Variants in FMNL2 observed in about 807,000 individuals in gnomAD.
The protein encoded by FMNL2 is formin-like protein 2.
FMNL2 carries 51 observed loss-of-function variants against 130.2 expected under a neutral mutation model. The observed-to-expected ratio is 0.39, with a 90% CI of 0.31 to 0.49. The LOEUF (loss-of-function observed/expected upper bound fraction) is 0.49, where lower values mean the gene tolerates loss of function less well. Among genes scored for constraint, FMNL2 ranks in the 20% least tolerant of loss-of-function variants. FMNL2 has a pLI of 0.85. For synonymous variants in FMNL2, 465 were observed against 467.1 expected, an observed-to-expected ratio of 1.00 and a Z score of 0.06; for missense variants, 977 against 1,316.2, an observed-to-expected ratio of 0.74 and a Z score of 3.99.
At chr2:152,459,289 A>G (rs1230195161) in intron 1 of FMNL2, among the ~76,000 whole-genome samples, 2 of 152,234 alleles carry the variant, frequency 1.3e-5, no homozygotes, top group Non-Finnish European at 2.9e-5. Context: ...CTGAATTCGC[A>G]CTGAACCAAG....
At chr2:152,482,815 A>T (rs1222031958) in intron 1 of FMNL2, among the ~76,000 whole-genome samples, 1 of 152,170 alleles carries the variant, frequency 6.6e-6, no homozygotes, top group African/African-American at 2.4e-5. Context: ...TAACTGCCTG[A>T]TACTGTCCCC....
intron 3 of FMNL2, among the ~76,000 whole-genome samples, chr2:152,548,506 C>T (rs773864301): frequency 2.6e-5 from 4 of 152,218 alleles, no homozygotes; most frequent in Non-Finnish European, 5.9e-5. Context: ...AACCTGGCCA[C>T]TGAGTCTCTA....
At chr2:152,481,613 G>GACAGCCACAGCT (rs1165646652) in intron 1 of FMNL2, among the ~76,000 whole-genome samples, 2 of 152,166 alleles carry the variant, frequency 1.3e-5, no homozygotes, top group Non-Finnish European at 2.9e-5. Context: ...AGTCAGAATT[G>GACAGCCACAGCT]ACAGCCACAG....
rs553914708 is a variant in FMNL2, at chr2:152,617,633, A to G, written c.1314+441A>G. Among the ~76,000 whole-genome samples the G allele has an allele frequency of 3.3e-5, 5 of 152,120 alleles. No homozygotes were observed. In the East Asian group the frequency reaches 9.7e-4, roughly 29 times the overall value. ...TAAACAGTGAAATACAACACAGGCT[A>G]GGCTTAATGGCATTCACCAAAAAAA... On this transcript the variant is annotated intron_variant, in intron 13 of 25. Transcript: ENST00000288670.
At chr2:152,339,785 T>C (rs1681692527) in intron 1 of FMNL2, among the ~76,000 whole-genome samples, 1 of 152,078 alleles carries the variant, frequency 6.6e-6, no homozygotes, top group South Asian at 2.1e-4. Context: ...TAGGAAGGAG[T>C]GGGAACATTT....
chr2:152,567,692 A>C (rs1305750856), intron 6 of FMNL2, among the ~76,000 whole-genome samples: 1 of 152,248 alleles, frequency 6.6e-6, no homozygotes, highest in East Asian at 1.9e-4. Flanking sequence ...TTGGAACCAT[A>C]AAAGACTGGT....
At position 152,335,442 on chromosome 2, in the gene FMNL2, G is replaced by T; in HGVS notation, c.-162G>T. 1 of 386,734 alleles carries T rather than the reference G, an allele frequency of 2.6e-6. No individual in the cohort carries two copies. 24.0% of individuals were successfully genotyped at this position (386,734 alleles called of 1,614,324 possible). ...GGGGGGCGGCTCGGCTTGGAGCGCT[G>T]CTAGGGAGCGGTGCGCGCCGCACAC... On this transcript the variant is annotated 5_prime_UTR_variant, in exon 1 of 26. Transcript: ENST00000288670.
intron 1 of FMNL2, among the ~76,000 whole-genome samples, chr2:152,430,702 G>A (rs540982439): frequency 3.4e-4 from 52 of 152,184 alleles, no homozygotes; most frequent in African/African-American, 1.2e-3. Context: ...GTGAAACCTC[G>A]TCTCTACTGA....
intron 4 of FMNL2, among the ~76,000 whole-genome samples, chr2:152,555,353 A>G (rs1439747014): frequency 1.3e-5 from 2 of 152,168 alleles, no homozygotes; most frequent in African/African-American, 4.8e-5. Flanking sequence ...ATGATTTTTC[A>G]TCAACTTCAG....
intron 9 of FMNL2, among the ~76,000 whole-genome samples, chr2:152,605,433 C>T (rs1368304829): frequency 6.6e-6 from 1 of 152,146 alleles, no homozygotes; most frequent in Non-Finnish European, 1.5e-5. Flanking sequence ...ATCCTCCCAC[C>T]TCAGTCTCCT....
intron 20 of FMNL2, 64 bp downstream of exon 20, chr2:152,629,969 A>T: frequency 7.1e-7 from 1 of 1,414,088 alleles, no homozygotes; most frequent in Middle Eastern, 1.8e-4. Flanking sequence ...AGATGAAGTT[A>T]GGGTGGTGGA....
At chr2:152,647,575 A>G (rs1683697869) in intron 25 of FMNL2, among the ~76,000 whole-genome samples, 1 of 152,228 alleles carries the variant, frequency 6.6e-6, no homozygotes, top group East Asian at 1.9e-4. Context: ...TTTTCTCTCA[A>G]AGTCCTAGAA....
At position 152,617,142 on chromosome 2, in the gene FMNL2, G is replaced by A. The variant is rs1698996952; in HGVS notation, c.1264G>A (p.Glu422Lys). Residue 422 changes from glutamate (E) to lysine (K), a missense_variant, in exon 13 of 26, where the codon GAA (glutamate) becomes AAA (lysine). Transcript: ENST00000288670. ...GAATGAAGCCATGTCCAAGATTGTG[G>A]AACTGGAAAAGCAACTCATGCAGAG... ...TENEAMSKIV[E>K]LEKQLMQRNK... 1.9e-6 allele frequency: 3 copies of A among 1,613,866 alleles called. No individual in the cohort carries two copies. Among genetic ancestry groups the A allele is most frequent in the African/African-American group, 1.3e-5 (1 of 74,928 alleles).
chr2:152,642,225 C>T (rs757952670), intron 25 of FMNL2, among the ~76,000 whole-genome samples: 24 of 152,168 alleles, frequency 1.6e-4, no homozygotes, highest in Non-Finnish European at 2.9e-4. Context: ...CAGGCGTGAG[C>T]CACCATGCCC....
At chr2:152,492,522 C>T (rs1324092798) in intron 1 of FMNL2, among the ~76,000 whole-genome samples, 1 of 152,082 alleles carries the variant, frequency 6.6e-6, no homozygotes, top group African/African-American at 2.4e-5. Context: ...ATATTAAGTG[C>T]TTTGTAATTA....
chr2:152,631,081 C>T (rs531721824), intron 20 of FMNL2, among the ~76,000 whole-genome samples: 1 of 152,094 alleles, frequency 6.6e-6, no homozygotes, highest in African/African-American at 2.4e-5. Flanking sequence ...GTGAGAGATT[C>T]ACAATAACTA....
intron 3 of FMNL2, among the ~76,000 whole-genome samples, chr2:152,543,903 G>A (rs1481815593): frequency 6.6e-6 from 1 of 152,076 alleles, no homozygotes; most frequent in Non-Finnish European, 1.5e-5. Flanking sequence ...TATGTGACTT[G>A]AATGTGACAC....
chr2:152,587,544 A>G (rs1697152192), intron 9 of FMNL2, among the ~76,000 whole-genome samples: 1 of 152,254 alleles, frequency 6.6e-6, no homozygotes, highest in Non-Finnish European at 1.5e-5. Context: ...TGGAGATAAA[A>G]AAGATAGTTT....
At position 152,567,993 on chromosome 2, in the gene FMNL2, C is replaced by T. The variant is rs550325635; in HGVS notation, c.596+6958C>T. On this transcript the variant is annotated intron_variant, in intron 6 of 25. Coordinates refer to ENST00000288670, the MANE Select transcript of FMNL2 (RefSeq NM_052905.4). ...TTGTGGAAAACCTTTTTGCTAGACT[C>T]CAGGAAAGCCTGGTTAGTTCAATTC... 2.6e-5 allele frequency among the ~76,000 whole-genome samples: 4 copies of T among 152,232 alleles called. No homozygotes were observed. The South Asian group carries it at 8.3e-4, about 32-fold the overall frequency.
Sources: allele counts gnomAD v4.1 joint callset (sites outside exome capture counted in the v4.1 genomes callset), GRCh38; gene constraint gnomAD v4.1.1; transcripts MANE v1.5; gene names NCBI Gene and HGNC (gene_info 2026-07-23, HGNC 2026-07-21).